Variants in CUL1 observed in about 807,000 individuals in gnomAD.
CUL1 encodes the protein cullin 1.
CUL1 carries 24 observed loss-of-function variants against 118.0 expected under a neutral mutation model. The ratio of observed to expected loss-of-function variants is 0.20; its 90% CI spans 0.15 to 0.29. CUL1 has a LOEUF of 0.29. Ranked by LOEUF, CUL1 falls within the 10% of genes least tolerant of loss-of-function variation. CUL1 has a pLI of 1.00. For missense variants in CUL1, 361 were observed against 933.8 expected (o/e 0.39, Z 7.99); for synonymous variants, 332 against 340.4 (o/e 0.98, Z 0.27).
rs1584818140 is a variant in CUL1, at chr7:148,787,232, G to A, written c.1479+112G>A. 18 of 1,069,516 alleles carry A rather than the reference G, an allele frequency of 1.7e-5. No individual in the cohort carries two copies. In the East Asian group the frequency reaches 4.3e-4, roughly 26 times the overall value. 66.3% of individuals were successfully genotyped at this position (1,069,516 alleles called of 1,614,324 possible). A position where few individuals can be genotyped will look rare whatever the true frequency, so the allele number is the denominator to read the frequency against. On this transcript the variant is annotated intron_variant, in intron 13 of 21. Transcript: ENST00000325222. This position sits in a 1 kb window ranked among gnomAD's most constrained non-coding sequence, Gnocchi z 5.5. Reference sequence around the variant, plus strand: ...AATCCCAGCACTTTGGGAGGCCGAGGCGGGCAGATCACGAGGTCAGGAGAT... The same window carrying A: ...AATCCCAGCACTTTGGGAGGCCGAGACGGGCAGATCACGAGGTCAGGAGAT...
At chr7:148,786,924 G>T in intron 12 of CUL1, 65 bp from the exon 13 acceptor site, 1 of 1,563,844 alleles carries the variant, frequency 6.4e-7, no homozygotes, top group Non-Finnish European at 8.6e-7. Flanking sequence ...GCCGGTGACA[G>T]TCAGCTCTGC....
At chr7:148,704,297 T>C (rs182918861) in intron 1 of CUL1, among the ~76,000 whole-genome samples, 6 of 152,222 alleles carry the variant, frequency 3.9e-5, no homozygotes, top group East Asian at 1.9e-4. Context: ...GTTTTTTTAA[T>C]TGGCGTAGAT....
intron 2 of CUL1, among the ~76,000 whole-genome samples, chr7:148,738,173 G>A (rs921260934): frequency 1.3e-5 from 2 of 152,186 alleles, no homozygotes; most frequent in African/African-American, 4.8e-5. Context: ...GTGGGTAACA[G>A]AGACATTTGA....
chr7:148,731,179 A>T (rs1331553704), intron 2 of CUL1, among the ~76,000 whole-genome samples: 1 of 152,230 alleles, frequency 6.6e-6, no homozygotes, highest in African/African-American at 2.4e-5. Flanking sequence ...TTGGAGATGC[A>T]CCAGCTAATT....
chr7:148,790,039 T>C (rs73745380), intron 15 of CUL1, among the ~76,000 whole-genome samples: 2,965 of 152,368 alleles, frequency 0.019, 108 homozygotes, highest in African/African-American at 0.068. Context: ...TCTACAGACA[T>C]GTTTCCTTAT....
intron 15 of CUL1, 128 bp downstream of exon 15, chr7:148,789,954 G>A: frequency 1.2e-6 from 1 of 863,418 alleles, no homozygotes; most frequent in Non-Finnish European, 1.9e-6. Flanking sequence ...GGTGAACCAT[G>A]GGGGCAACAC....
chr7:148,719,038 G>A (rs537064208), intron 1 of CUL1, among the ~76,000 whole-genome samples: 118 of 152,280 alleles, frequency 7.7e-4, no homozygotes, highest in African/African-American at 2.6e-3. Flanking sequence ...TTGGCCGGGC[G>A]CAGTGGCTCA....
Position 148,730,075 on chromosome 7 carries a change from C to T in CUL1, c.-48C>T, listed in dbSNP as rs761551527. ...TTCATCTAATGGAGAACTAGCTGTA[C>T]TTTGAATAAGGATTGCTGCACTGGA... On this transcript the variant is annotated 5_prime_UTR_variant, in exon 2 of 22. Coordinates refer to ENST00000325222, the MANE Select transcript of CUL1 (RefSeq NM_003592.3). The T allele has an allele frequency of 6.3e-7, 1 of 1,579,380 alleles. No individual in the cohort carries two copies. The highest frequency in any genetic ancestry group is 1.2e-5 in the South Asian group (1 of 85,704).
At chr7:148,725,219 G>GCACA in intron 1 of CUL1, among the ~76,000 whole-genome samples, 61 of 140,150 alleles carry the variant, frequency 4.4e-4, no homozygotes, top group South Asian at 1.9e-3. Flanking sequence ...ACACGCGCGC[G>GCACA]CTCACACACA....
chr7:148,788,531 A>G, intron 13 of CUL1, 26 bp from the exon 14 acceptor site: 2 of 1,438,308 alleles, frequency 1.4e-6, no homozygotes, highest in South Asian at 1.2e-5. Flanking sequence ...ACAAATTAAT[A>G]AGACAGTCAT....
chr7:148,735,573 T>G (rs1389554259), intron 2 of CUL1, among the ~76,000 whole-genome samples: 1 of 152,258 alleles, frequency 6.6e-6, no homozygotes, highest in African/African-American at 2.4e-5. Context: ...AGATTAATGA[T>G]GATCCATGTC....
Position 148,792,719 on chromosome 7 carries a change from C to T in CUL1, c.1807-7C>T, listed in dbSNP as rs771858823. The T allele has an allele frequency of 1.2e-5, 20 of 1,604,874 alleles. No homozygotes were observed. Among genetic ancestry groups the T allele is most frequent in the Admixed American group, 1.7e-5 (1 of 58,984 alleles). On this transcript the variant is annotated splice_region_variant and splice_polypyrimidine_tract_variant and intron_variant, in intron 16 of 21. Coordinates refer to ENST00000325222, the MANE Select transcript of CUL1 (RefSeq NM_003592.3). ...CTTCTTTTTCTTTTATATGGGGGGC[C>T]GCAAAGGCGTCGACATTCCAGATGG...
At chr7:148,798,074 G>C in intron 19 of CUL1, 55 bp downstream of exon 19, 2 of 1,036,542 alleles carry the variant, frequency 1.9e-6, no homozygotes, top group Non-Finnish European at 2.9e-6. Flanking sequence ...TCCCCCGGGA[G>C]CCCTAGCACG....
At chr7:148,744,739 GA>G (rs1799255933) in intron 2 of CUL1, among the ~76,000 whole-genome samples, 1 of 152,110 alleles carries the variant, frequency 6.6e-6, no homozygotes, top group Non-Finnish European at 1.5e-5. Context: ...AAAGATGCAG[GA>G]TTCTATTGTA....
At chr7:148,783,212 G>T in intron 9 of CUL1, 1 of 373,154 alleles carries the variant, frequency 2.7e-6, no homozygotes, top group Non-Finnish European at 3.7e-6. Context: ...CCTTGTTCCG[G>T]GGAGGCCCCT....
intron 21 of CUL1, 28 bp downstream of exon 21, chr7:148,799,416 T>A (rs748607056): frequency 1.4e-6 from 2 of 1,415,562 alleles, no homozygotes; most frequent in South Asian, 2.4e-5. Flanking sequence ...GCAGTCACAT[T>A]CCTTTCTTAA....
chr7:148,783,235 G>A lies in CUL1; in HGVS notation c.1084-548G>A, dbSNP rs559126979. 1,176 of 654,358 alleles carry A rather than the reference G, an allele frequency of 1.8e-3. 5 individuals are homozygous for A. Among genetic ancestry groups the A allele is most frequent in the South Asian group, 0.017 (249 of 14,692 alleles). 40.5% of individuals were successfully genotyped at this position (654,358 alleles called of 1,614,324 possible). ...CGGGGAGGCCCCTTTGCTGCCCTGC[G>A]CCGCGCTCCGCCCCTCTTCCCGTCC... On this transcript the variant is annotated intron_variant, in intron 9 of 21. Coordinates refer to ENST00000325222, the MANE Select transcript of CUL1 (RefSeq NM_003592.3).
At chr7:148,792,249 A>G (rs1410224709) in intron 16 of CUL1, among the ~76,000 whole-genome samples, 1 of 151,930 alleles carries the variant, frequency 6.6e-6, no homozygotes, top group Non-Finnish European at 1.5e-5. Context: ...CTTTTTTCAT[A>G]CTTTCATAGT....
At position 148,706,813 on chromosome 7, in the gene CUL1, G is replaced by GCT. The variant is rs1797900538; in HGVS notation, c.-162+7787_-162+7788dup. On this transcript the variant is annotated intron_variant, in intron 1 of 21. Transcript: ENST00000325222. ...TGGTCACTGGTATTTTTATAATGGA[G>GCT]CTCTGCCTTACTACTCTACTTGTTT... 2.6e-5 allele frequency among the ~76,000 whole-genome samples: 4 copies of GCT among 152,180 alleles called. No homozygotes were observed. In the South Asian group the frequency reaches 8.3e-4, roughly 32 times the overall value.
Sources: gnomAD v4.1 joint callset for allele counts (sites outside exome capture counted in the v4.1 genomes callset) on GRCh38, gnomAD v4.1.1 for gene constraint, Gnocchi (gnomAD v3.1) non-coding constraint, MANE v1.5 for transcripts, NCBI Gene and HGNC (gene_info 2026-07-23, HGNC 2026-07-21) for gene names.